The following NRXN3 variants were observed in gnomAD, a reference collection of about 807,000 sequenced individuals.
The protein encoded by NRXN3 is neurexin III.
A neutral mutation model predicts 137.6 loss-of-function variants in NRXN3; 32 were observed. The ratio of observed to expected loss-of-function variants is 0.23; its 90% CI spans 0.18 to 0.31. The LOEUF (loss-of-function observed/expected upper bound fraction) is 0.31. NRXN3 is among the 10% of genes least tolerant of loss of function. The pLI is 1.00. For missense variants in NRXN3, 1,574 were observed against 2,062.5 expected, an observed-to-expected ratio of 0.76 and a Z score of 4.59; for synonymous variants, 798 against 784.5, an observed-to-expected ratio of 1.02 and a Z score of -0.29.
chr14:79,672,371 T>G (rs2098613160), intron 17 of NRXN3, among the ~76,000 whole-genome samples: 1 of 152,088 alleles, frequency 6.6e-6, no homozygotes, highest in Non-Finnish European at 1.5e-5. Context: ...GGATGTAAGA[T>G]AAAGAATTTC....
intron 4 of NRXN3, among the ~76,000 whole-genome samples, chr14:78,447,607 A>G (rs773760133): frequency 7.2e-5 from 11 of 152,174 alleles, no homozygotes; most frequent in Non-Finnish European, 1.3e-4. Context: ...CAAAGGGGAG[A>G]CCCACTTTAC....
chr14:78,320,435 CTG>C (rs1453167184), intron 4 of NRXN3, among the ~76,000 whole-genome samples: 1 of 152,152 alleles, frequency 6.6e-6, no homozygotes, highest in African/African-American at 2.4e-5. Context: ...TTGAGGTCGT[CTG>C]TGTGAGATCT....
intron 15 of NRXN3, among the ~76,000 whole-genome samples, chr14:79,461,781 A>T (rs2096345374): frequency 6.6e-6 from 1 of 152,218 alleles, no homozygotes; most frequent in South Asian, 2.1e-4. Context: ...AGGATTTACC[A>T]GTTTATAGTA....
At chr14:78,524,316 C>T (rs1421101817) in intron 4 of NRXN3, among the ~76,000 whole-genome samples, 3 of 152,266 alleles carry the variant, frequency 2.0e-5, no homozygotes, top group South Asian at 2.1e-4. Context: ...TACAGTGATC[C>T]GCTGGAGGAA....
At chr14:79,161,319 T>C (rs1019100418) in intron 15 of NRXN3, among the ~76,000 whole-genome samples, 5 of 151,900 alleles carry the variant, frequency 3.3e-5, no homozygotes, top group Admixed American at 2.6e-4. Flanking sequence ...CTTGGAGAAG[T>C]TTATACTCAC....
intron 15 of NRXN3, among the ~76,000 whole-genome samples, chr14:79,014,073 A>C (rs2099575316): frequency 6.6e-6 from 1 of 152,046 alleles, no homozygotes; most frequent in South Asian, 2.1e-4. Context: ...GAAGTAAAAA[A>C]CCTCTGTATG....
intron 15 of NRXN3, among the ~76,000 whole-genome samples, chr14:79,115,393 C>T (rs1464476194): frequency 2.0e-5 from 3 of 151,592 alleles, no homozygotes; most frequent in South Asian, 4.2e-4. Context: ...TCCTTTATTG[C>T]CAGTAATGGT....
At chr14:79,545,489 T>C (rs997826072) in intron 16 of NRXN3, among the ~76,000 whole-genome samples, 16 of 152,118 alleles carry the variant, frequency 1.1e-4, no homozygotes, top group African/African-American at 3.6e-4. Context: ...GTGATTACAT[T>C]GGGTGCACCT....
intron 15 of NRXN3, among the ~76,000 whole-genome samples, chr14:79,345,546 C>A (rs1598952460): frequency 6.6e-6 from 1 of 152,108 alleles, no homozygotes; most frequent in East Asian, 1.9e-4. Flanking sequence ...CTTGTCCTCT[C>A]CAAATCTCAT....
intron 19 of NRXN3, among the ~76,000 whole-genome samples, chr14:79,792,339 TA>T (rs2099147907): frequency 6.6e-6 from 1 of 152,196 alleles, no homozygotes; most frequent in South Asian, 2.1e-4. Flanking sequence ...TGTTGCCCAG[TA>T]ATTCTGTTTT....
intron 4 of NRXN3, among the ~76,000 whole-genome samples, chr14:78,511,424 C>CA (rs894463680): frequency 1.1e-4 from 17 of 151,956 alleles, no homozygotes; most frequent in African/African-American, 3.9e-4. Flanking sequence ...AGTGGCTTAA[C>CA]AAAAAAAGGT....
intron 1 of NRXN3, among the ~76,000 whole-genome samples, chr14:78,186,912 A>G (rs1430582953): frequency 6.6e-6 from 1 of 152,226 alleles, no homozygotes; most frequent in African/African-American, 2.4e-5. Flanking sequence ...CAGCTTTGTC[A>G]TTCCTAAGCC....
intron 19 of NRXN3, among the ~76,000 whole-genome samples, chr14:79,773,373 C>T (rs1408310503): frequency 2.0e-5 from 3 of 152,048 alleles, no homozygotes; most frequent in Admixed American, 6.6e-5. Context: ...GACTTGGAAC[C>T]AACCCAAATG....
intron 15 of NRXN3, among the ~76,000 whole-genome samples, chr14:79,265,107 T>C (rs2153415424): frequency 6.6e-6 from 1 of 152,178 alleles, no homozygotes; most frequent in East Asian, 1.9e-4. Flanking sequence ...TAATAACCTA[T>C]AAACATTCTT....
intron 19 of NRXN3, among the ~76,000 whole-genome samples, chr14:79,714,151 C>T (rs2098815646): frequency 6.6e-6 from 1 of 152,128 alleles, no homozygotes; most frequent in African/African-American, 2.4e-5. Flanking sequence ...GATGGGGCTC[C>T]ACACAAAAAG....
At chr14:79,300,338 TA>T (rs1249656841) in intron 15 of NRXN3, among the ~76,000 whole-genome samples, 1 of 152,096 alleles carries the variant, frequency 6.6e-6, no homozygotes, top group Non-Finnish European at 1.5e-5. Context: ...CAAACAACAC[TA>T]AAAAGTTGTG....
At chr14:79,064,910 A>G (rs1402256583) in intron 15 of NRXN3, among the ~76,000 whole-genome samples, 5 of 150,952 alleles carry the variant, frequency 3.3e-5, no homozygotes, top group African/African-American at 1.2e-4. Context: ...TCTTTTCTAA[A>G]TTATAAAAGT....
intron 8 of NRXN3, among the ~76,000 whole-genome samples, chr14:78,740,386 T>TC (rs1178450262): frequency 1.3e-5 from 2 of 151,586 alleles, no homozygotes; most frequent in East Asian, 1.9e-4. Flanking sequence ...TTGTCTCCTT[T>TC]TTTTTTTCTG....
intron 15 of NRXN3, among the ~76,000 whole-genome samples, chr14:79,227,781 C>CA (rs1568684357): frequency 1.1e-4 from 12 of 110,884 alleles, no homozygotes; most frequent in Non-Finnish European, 2.0e-4. Flanking sequence ...TTCCTTCCTT[C>CA]CTTCCCTCCT....
Sources: allele counts gnomAD v4.1 joint callset (sites outside exome capture counted in the v4.1 genomes callset), GRCh38; gene constraint gnomAD v4.1.1; transcripts MANE v1.5; gene names NCBI Gene and HGNC (gene_info 2026-07-23, HGNC 2026-07-21).